NUTM2B: variants seen among roughly 807,000 people sequenced by gnomAD.
The protein encoded by NUTM2B is NUT family member 2B.
In NUTM2B, 2 loss-of-function variants were observed where a neutral mutation model predicts 42.4. The ratio of observed to expected loss-of-function variants is 0.05; its 90% confidence interval spans 0.02 to 0.15. NUTM2B has a LOEUF of 0.15. Ranked by LOEUF, NUTM2B falls within the 10% of genes least tolerant of loss-of-function variation. The probability of loss-of-function intolerance (pLI) is 1.00; values close to 1 mark genes in which losing one functional copy is unlikely to be tolerated. For synonymous variants in NUTM2B, 18 were observed against 402.4 expected, an observed-to-expected ratio of 0.04 and a Z score of 11.43; for missense variants, 58 against 952.6, an observed-to-expected ratio of 0.06 and a Z score of 12.36.
chr10:79,696,262 A>G, the NUTM2B span, among the ~76,000 whole-genome samples: 1 of 151,604 alleles, frequency 6.6e-6, no homozygotes, highest in African/African-American at 2.4e-5. Flanking sequence ...CAGCATGACT[A>G]ATTTTAAACT....
the NUTM2B span, among the ~76,000 whole-genome samples, chr10:79,693,121 G>T: frequency 6.6e-6 from 1 of 152,190 alleles, no homozygotes; most frequent in African/African-American, 2.4e-5. Context: ...TCTGTTCCTA[G>T]TGTCTGCCTG....
At chr10:79,699,161 A>G (rs971473242), upstream of NUTM2B, among the ~76,000 whole-genome samples, 2 of 151,858 alleles carry the variant, frequency 1.3e-5, no homozygotes, top group Non-Finnish European at 2.9e-5. Context: ...GTCTTCCTAC[A>G]TTTCCCAAAT....
chr10:79,712,332 C>G, exon 7 of NUTM2B: 1 of 1,508,518 alleles, frequency 6.6e-7, no homozygotes, highest in Non-Finnish European at 8.9e-7. Flanking sequence ...GAAGCCTGTC[C>G]CCTGCTGAAA....
chr10:79,695,349 A>C, the NUTM2B span, among the ~76,000 whole-genome samples: 5 of 152,320 alleles, frequency 3.3e-5, no homozygotes, highest in South Asian at 8.3e-4. Context: ...AGAAATGGTC[A>C]ACATTCATTC....
chr10:79,701,694 G>A (rs1440084708), upstream of NUTM2B, among the ~76,000 whole-genome samples: 6 of 150,718 alleles, frequency 4.0e-5, no homozygotes, highest in East Asian at 9.8e-4. Context: ...CTGTCAGTGC[G>A]GCCCAGGACT....
At chr10:79,693,903 C>A in the NUTM2B span, among the ~76,000 whole-genome samples, 2 of 152,098 alleles carry the variant, frequency 1.3e-5, no homozygotes, top group South Asian at 4.2e-4. Context: ...ATTTTATTGG[C>A]AAGAGGATTC....
upstream of NUTM2B, among the ~76,000 whole-genome samples, chr10:79,701,666 T>C (rs1220298212): frequency 3.3e-5 from 5 of 150,480 alleles, no homozygotes; most frequent in Non-Finnish European, 5.9e-5. Flanking sequence ...ATCCAAGCCC[T>C]GAGATGTTCT....
chr10:79,700,998 C>A (rs1487654760), upstream of NUTM2B, among the ~76,000 whole-genome samples: 3 of 152,224 alleles, frequency 2.0e-5, no homozygotes, highest in African/African-American at 7.2e-5. Context: ...GTAATACAAA[C>A]CTGCAGTCCA....
intron 1 of NUTM2B, among the ~76,000 whole-genome samples, chr10:79,705,617 C>G (rs1165154857): frequency 1.3e-3 from 194 of 145,752 alleles, no homozygotes; most frequent in African/African-American, 4.6e-3. Context: ...TATTCGGAAG[C>G]TTCTGGCTTC....
chr10:79,706,914 AGACT>A (rs1263324984), intron 2 of NUTM2B, among the ~76,000 whole-genome samples, 173 bp downstream of exon 2: 5 of 109,682 alleles, frequency 4.6e-5, no homozygotes, highest in Non-Finnish European at 8.6e-5. Context: ...GGCTCAGGAC[AGACT>A]GTCAGGGGCC....
chr10:79,711,855 G>A, exon 7 of NUTM2B: 1 of 1,544,476 alleles, frequency 6.5e-7, no homozygotes. Flanking sequence ...GGGTTGGCAT[G>A]GAAACCTGCC....
chr10:79,701,127 C>T (rs542341202), upstream of NUTM2B, among the ~76,000 whole-genome samples: 1 of 152,192 alleles, frequency 6.6e-6, no homozygotes, highest in African/African-American at 2.4e-5. Flanking sequence ...CATTCCTGCT[C>T]ATGCCTTTCA....
the NUTM2B span, among the ~76,000 whole-genome samples, chr10:79,697,922 CA>C: frequency 6.8e-6 from 1 of 147,908 alleles, no homozygotes; most frequent in Admixed American, 6.7e-5. Flanking sequence ...ATACAAAACA[CA>C]GAAGCCACAT....
the NUTM2B span, among the ~76,000 whole-genome samples, chr10:79,693,266 G>A: frequency 6.6e-6 from 1 of 152,214 alleles, no homozygotes; most frequent in South Asian, 2.1e-4. Flanking sequence ...TTCCTCAGTG[G>A]CCTCACTGTT....
At chr10:79,693,010 T>C in the NUTM2B span, among the ~76,000 whole-genome samples, 1 of 152,202 alleles carries the variant, frequency 6.6e-6, no homozygotes, top group African/African-American at 2.4e-5. Flanking sequence ...TGGGGACTCT[T>C]GTGTGTAGAG....
At chr10:79,707,266 AG>A (rs201331996) in intron 2 of NUTM2B, among the ~76,000 whole-genome samples, 4,274 of 130,370 alleles carry the variant, frequency 0.033, 12 homozygotes, top group Non-Finnish European at 0.048. Context: ...GATGCCGGGC[AG>A]GTATTTGCAT....
chr10:79,702,487 GC>G (rs1461056672), upstream of NUTM2B, among the ~76,000 whole-genome samples: 4 of 151,710 alleles, frequency 2.6e-5, no homozygotes, highest in African/African-American at 7.3e-5. Flanking sequence ...TCCACCACTT[GC>G]CCCTGCCCCT....
the NUTM2B span, among the ~76,000 whole-genome samples, chr10:79,697,647 T>C: frequency 6.6e-6 from 1 of 152,250 alleles, no homozygotes; most frequent in African/African-American, 2.4e-5. Context: ...GAATCAAATT[T>C]CTATTTTTTT....
chr10:79,698,163 T>TAA, the NUTM2B span, among the ~76,000 whole-genome samples: 4 of 95,592 alleles, frequency 4.2e-5, no homozygotes, highest in East Asian at 5.1e-4. Flanking sequence ...ACCCATACAA[T>TAA]ACAAAAAAAA....
Sources: gnomAD v4.1 joint callset for allele counts (sites outside exome capture counted in the v4.1 genomes callset) on GRCh38, gnomAD v4.1.1 for gene constraint, MANE v1.5 for transcripts, NCBI Gene and HGNC (gene_info 2026-07-23, HGNC 2026-07-21) for gene names.